The following HIC2 variants were observed in gnomAD, a reference collection of about 807,000 sequenced individuals.
The protein encoded by HIC2 is HIC ZBTB transcriptional repressor 2.
HIC2 carries 2 observed loss-of-function variants against 39.5 expected under a neutral mutation model. That is an observed-to-expected ratio of 0.05 (90% CI 0.02 to 0.16). The LOEUF (loss-of-function observed/expected upper bound fraction) is 0.16, where lower values mean the gene tolerates loss of function less well. Among genes scored for constraint, HIC2 ranks in the 10% least tolerant of loss-of-function variants. The pLI is 1.00. For missense variants in HIC2, 713 were observed against 863.5 expected, an observed-to-expected ratio of 0.83 and a Z score of 2.18; for synonymous variants, 399 against 368.8, an observed-to-expected ratio of 1.08 and a Z score of -0.94.
rs1923782369 is a variant in HIC2, at chr22:21,445,811, A to G, written c.916A>G (p.Met306Val). The change falls in exon 3 of 3, where the codon ATG becomes GTG. Residue 306 changes from methionine to valine, a missense_variant. Physicochemically the swap from Met to Val is conservative, Grantham distance 21. Around this residue, in one of 5 missense-constraint regions of HIC2, gnomAD observed 457 missense variants for 420.2 expected, o/e 1.09. Transcript: ENST00000407464. ...SELGGTPDEP[M>V]DLEGAEDNHL... is the part of the protein sequence containing the mutation. ...GCTGGGGGGCACCCCTGATGAGCCC[A>G]TGGATCTGGAGGGGGCCGAGGACAA... The G allele has an allele frequency of 2.5e-6, 4 of 1,593,424 alleles. No individual in the cohort carries two copies. The highest frequency in any genetic ancestry group is 2.6e-6 in the Non-Finnish European group (3 of 1,169,726).
Position 21,447,816 on chromosome 22 carries a change from ATG to A in HIC2, c.*1078_*1079del, listed in dbSNP as rs1923947907. 6.6e-6 allele frequency: 1 copy of A among 150,888 alleles called. No individual in the cohort carries two copies. The highest frequency in any genetic ancestry group is 6.8e-5 in the Admixed American group (1 of 14,658). 9.3% of individuals were successfully genotyped at this position (150,888 alleles called of 1,614,324 possible). A position where few individuals can be genotyped will look rare whatever the true frequency, so the allele number is the denominator to read the frequency against. ...TGTGTATGTGCGTATGTGTGTGTCT[ATG>A]TGTGGTGTGTGCCGTATGCATGGGC... On this transcript the variant is annotated 3_prime_UTR_variant, in exon 3 of 3. Transcript: ENST00000407464.
At chr22:21,443,278 C>T (rs1295016256) in intron 2 of HIC2, among the ~76,000 whole-genome samples, 1 of 152,214 alleles carries the variant, frequency 6.6e-6, no homozygotes, top group Admixed American at 6.5e-5. Context: ...CTGCCTCTTG[C>T]TGTTAGGCTC....
At chr22:21,426,497 G>T (rs868719959) in intron 1 of HIC2, among the ~76,000 whole-genome samples, 1 of 149,346 alleles carries the variant, frequency 6.7e-6, no homozygotes, top group Admixed American at 6.9e-5. Context: ...TTTTGAGATG[G>T]AGTCTCTGTT....
chr22:21,417,946 C>T (rs1922946069), intron 1 of HIC2, among the ~76,000 whole-genome samples: 1 of 147,916 alleles, frequency 6.8e-6, no homozygotes, highest in Non-Finnish European at 1.5e-5. Flanking sequence ...GCCTGACAGG[C>T]GGGAGGGCTC....
At position 21,451,225 on chromosome 22, in the gene HIC2, A is replaced by C. The variant is rs1193451178; in HGVS notation, c.*4482A>C. ...TTTTATGCCCTTCCCAGAAGGGGGG[A>C]GGGACACCGGGATCGCACTCCTGTA... On this transcript the variant is annotated 3_prime_UTR_variant, in exon 3 of 3. Transcript: ENST00000407464. The C allele has an allele frequency of 6.6e-6, 1 of 152,408 alleles. No homozygotes were observed. Among genetic ancestry groups the C allele is most frequent in the Non-Finnish European group, 1.5e-5 (1 of 67,960 alleles). 9.4% of individuals were successfully genotyped at this position (152,408 alleles called of 1,614,324 possible).
At chr22:21,441,475 TG>T (rs1173147652) in intron 1 of HIC2, among the ~76,000 whole-genome samples, 13 of 146,534 alleles carry the variant, frequency 8.9e-5, no homozygotes, top group African/African-American at 3.2e-4. Context: ...ATCCAGTAGC[TG>T]GCCTGGCCTC....
chr22:21,445,684 C>T lies in HIC2; in HGVS notation c.789C>T (p.Pro263=), dbSNP rs1923769591. ...CCTTGCCCCCTGCCACCCCAGGTCC[C>T]CACCTCACTCCCGATGACGCAGCCC... is the stretch of plus-strand genomic sequence containing the variant. ...SPPLPPATPG[P]HLTPDDAAQL... is the part of the protein sequence containing the mutation. Residue 263 remains proline, a synonymous_variant, in exon 3 of 3, where the codon CCC becomes CCT. Coordinates refer to ENST00000407464, the MANE Select transcript of HIC2 (RefSeq NM_015094.3). 6.2e-6 allele frequency: 10 copies of T among 1,611,366 alleles called. No homozygotes were observed. Among genetic ancestry groups the T allele is most frequent in the Middle Eastern group, 1.6e-4 (1 of 6,070 alleles).
chr22:21,450,905 C>T lies in HIC2; in HGVS notation c.*4162C>T, dbSNP rs1166403013. On this transcript the variant is annotated 3_prime_UTR_variant, in exon 3 of 3. Coordinates refer to ENST00000407464, the MANE Select transcript of HIC2 (RefSeq NM_015094.3). ...ACCAGGACCCCCTCCCCCTACCTCA[C>T]CTTGCTATTTATTGCTGTAATTTAT... 2 of 152,820 alleles carry T rather than the reference C, an allele frequency of 1.3e-5. No individual in the cohort carries two copies. The highest frequency in any genetic ancestry group is 4.8e-5 in the African/African-American group (2 of 41,450). 9.5% of individuals were successfully genotyped at this position (152,820 alleles called of 1,614,324 possible).
At position 21,445,350 on chromosome 22, in the gene HIC2, G is replaced by T. The variant is rs1280280189; in HGVS notation, c.455G>T (p.Gly152Val). Reference protein sequence around the residue: ...AGKPFGSGRAGSTGMGRPPRS... With the variant: ...AGKPFGSGRAVSTGMGRPPRS... ...AAGCCCTTTGGCTCTGGGAGGGCGG[G>T]GTCCACTGGCATGGGGCGGCCCCCC... Residue 152 changes from glycine to valine, a missense_variant, in exon 3 of 3, where the codon GGG (glycine) becomes GTG (valine). Coordinates refer to ENST00000407464, the MANE Select transcript of HIC2 (RefSeq NM_015094.3). 2 of 1,579,478 alleles carry T rather than the reference G, an allele frequency of 1.3e-6. No homozygotes were observed. Among genetic ancestry groups the T allele is most frequent in the Middle Eastern group, 1.7e-4 (1 of 5,890 alleles).
At position 21,446,495 on chromosome 22, in the gene HIC2, C is replaced by T. The variant is rs769220808; in HGVS notation, c.1600C>T (p.Pro534Ser). ...GACGCACTGGCTGACACGGCCCTTC[C>T]CCTGCAACATCTGTGGCAAAATGTT... is the stretch of plus-strand genomic sequence containing the variant. ...EKTHWLTRPF[P>S]CNICGKMFTQ... Residue 534 changes from proline (P) to serine (S), a missense_variant, in exon 3 of 3, where the codon CCC becomes TCC. By Grantham distance (74) the Pro-to-Ser change is moderately conservative. This residue lies in a region of HIC2 where 103 missense variants were observed against 103.4 expected (regional missense o/e 1.00). Coordinates refer to ENST00000407464, the MANE Select transcript of HIC2 (RefSeq NM_015094.3). 5 of 1,612,668 alleles carry T rather than the reference C, an allele frequency of 3.1e-6. No homozygotes were observed. The highest frequency in any genetic ancestry group is 8.5e-7 in the Non-Finnish European group (1 of 1,180,036).
Position 21,446,841 on chromosome 22 carries a change from C to T in HIC2, c.*98C>T. The T allele has an allele frequency of 6.8e-7, 1 of 1,472,192 alleles. No individual in the cohort carries two copies. Among genetic ancestry groups the T allele is most frequent in the South Asian group, 1.4e-5 (1 of 73,060 alleles). The allele number at this position is 1,472,192 out of a possible 1,614,324, so 91.2% of individuals were successfully genotyped here. ...CAGCAGCAGGGGCAAGACCCTGGGTCCAGTGGAGGCTCCGGGTGGCCCCTC... is the reference window on the plus strand; with the variant it reads ...CAGCAGCAGGGGCAAGACCCTGGGTTCAGTGGAGGCTCCGGGTGGCCCCTC... On this transcript the variant is annotated 3_prime_UTR_variant, in exon 3 of 3. Coordinates refer to ENST00000407464, the MANE Select transcript of HIC2 (RefSeq NM_015094.3).
In HIC2 at chr22:21,446,075, C is replaced by A; in HGVS notation, c.1180C>A (p.Pro394Thr). The A allele has an allele frequency of 6.2e-7, 1 of 1,607,618 alleles. No individual in the cohort carries two copies. The highest frequency in any genetic ancestry group is 1.1e-5 in the South Asian group (1 of 91,000). ...CGGGCCCTATGGGGAGCCCCCCTAC[C>A]CCTGCAAGGAGGAGGAGGAGAACGG... ...PSGPYGEPPY[P>T]CKEEEENGKD... is the part of the protein sequence containing the mutation. Residue 394 changes from proline to threonine, a missense_variant, in exon 3 of 3, where the codon CCC becomes ACC. Coordinates refer to ENST00000407464, the MANE Select transcript of HIC2 (RefSeq NM_015094.3).
intron 2 of HIC2, among the ~76,000 whole-genome samples, chr22:21,443,870 C>T (rs1027391007): frequency 3.3e-5 from 5 of 152,144 alleles, no homozygotes; most frequent in Admixed American, 6.5e-5. Context: ...TTTATACCGC[C>T]GGCCACAGTC....
At position 21,445,590 on chromosome 22, in the gene HIC2, G is replaced by A; in HGVS notation, c.695G>A (p.Ser232Asn). Residue 232 changes from serine (S) to asparagine (N), a missense_variant, in exon 3 of 3, where the codon AGC becomes AAC. Ser to Asn is a conservative substitution (Grantham distance 46). Transcript: ENST00000407464. ...GAGGCGGGTCTGGGGGGCTGCAGCAGCAGCACCAACGGGAGCAGCGGGGGC... is the reference window on the plus strand; with the variant it reads ...GAGGCGGGTCTGGGGGGCTGCAGCAACAGCACCAACGGGAGCAGCGGGGGC... ...GGEAGLGGCS[S>N]STNGSSGGCE... 3 of 1,584,532 alleles carry A rather than the reference G, an allele frequency of 1.9e-6. 1 individual carries two copies. In the South Asian group the frequency reaches 3.4e-5, roughly 18 times the overall value.
In HIC2 at chr22:21,446,761, G is replaced by A. The variant is rs1216385615; in HGVS notation, c.*18G>A. On this transcript the variant is annotated 3_prime_UTR_variant, in exon 3 of 3. Coordinates refer to ENST00000407464, the MANE Select transcript of HIC2 (RefSeq NM_015094.3). The stretch of plus-strand genomic sequence containing the variant: ...CCTCCTAGAAGCCAAAGACCCGCGG[G>A]CGCCCTCTGCCACCTTGCTCCCCGG... 20 of 1,581,512 alleles carry A rather than the reference G, an allele frequency of 1.3e-5. No homozygotes were observed. Among genetic ancestry groups the A allele is most frequent in the Non-Finnish European group, 1.6e-5 (18 of 1,160,600 alleles).
At chr22:21,444,563 G>A (rs2148341242) in intron 2 of HIC2, among the ~76,000 whole-genome samples, 1 of 151,944 alleles carries the variant, frequency 6.6e-6, no homozygotes, top group Middle Eastern at 3.4e-3. Context: ...TCCCCTTCTG[G>A]TCCCTGAGGG....
In HIC2 at chr22:21,446,911, C is replaced by T. The variant is rs1923876875; in HGVS notation, c.*168C>T. ...CCAGAGCTTTAATGGACAGTCCGTA[C>T]CAAGCAGAGCCGAGAGGAGGGAAGC... On this transcript the variant is annotated 3_prime_UTR_variant, in exon 3 of 3. Transcript: ENST00000407464. The T allele has an allele frequency of 5.3e-6, 5 of 947,010 alleles. No homozygotes were observed. Among genetic ancestry groups the T allele is most frequent in the South Asian group, 1.8e-5 (1 of 55,798 alleles). 58.7% of individuals were successfully genotyped at this position (947,010 alleles called of 1,614,324 possible). A position where few individuals can be genotyped will look rare whatever the true frequency, so the allele number is the denominator to read the frequency against.
chr22:21,444,863 A>C (rs1923711125), intron 2 of HIC2, 59 bp from the exon 3 acceptor site: 1 of 1,551,018 alleles, frequency 6.4e-7, no homozygotes, highest in East Asian at 2.2e-5. Context: ...ACCCTGCCCC[A>C]GAGCCCTGGT....
intron 1 of HIC2, among the ~76,000 whole-genome samples, chr22:21,426,115 G>A (rs1923237621): frequency 6.7e-6 from 1 of 150,056 alleles, no homozygotes; most frequent in South Asian, 2.1e-4. Flanking sequence ...CGGAAGTGCT[G>A]GGATTACAGG....
Sources: allele counts gnomAD v4.1 joint callset (sites outside exome capture counted in the v4.1 genomes callset), GRCh38; gene constraint gnomAD v4.1.1; regional missense constraint gnomAD v4.1.1; transcripts MANE v1.5; gene names NCBI Gene and HGNC (gene_info 2026-07-23, HGNC 2026-07-21).